Variants in AP4E1 observed in about 807,000 individuals in gnomAD.
AP4E1 encodes AP-4 complex subunit epsilon-1.
A neutral mutation model predicts 128.2 loss-of-function variants in AP4E1; 56 were observed. The observed-to-expected ratio is 0.44, with a 90% CI of 0.35 to 0.55. The LOEUF is 0.55. Among genes scored for constraint, AP4E1 ranks in the 20% least tolerant of loss-of-function variants. The probability of loss-of-function intolerance (pLI) is 0.00; values close to 1 mark genes in which losing one functional copy is unlikely to be tolerated. For missense variants in AP4E1, 1,324 were observed against 1,307.7 expected (o/e 1.01, Z -0.19); for synonymous variants, 484 against 473.1 (o/e 1.02, Z -0.30).
chr15:50,969,923 T>C (rs1324056230), intron 15 of AP4E1, among the ~76,000 whole-genome samples: 1 of 152,204 alleles, frequency 6.6e-6, no homozygotes, highest in African/African-American at 2.4e-5. Flanking sequence ...CCTCCCAAAG[T>C]GCTGGGACTA....
chr15:50,914,561 G>A (rs1219431374), intron 2 of AP4E1, among the ~76,000 whole-genome samples: 2 of 150,064 alleles, frequency 1.3e-5, no homozygotes, highest in African/African-American at 2.5e-5. Context: ...TGAAGCATGA[G>A]AATCGCTTGA....
intron 5 of AP4E1, among the ~76,000 whole-genome samples, chr15:50,927,667 T>C (rs994480576): frequency 1.3e-5 from 2 of 151,296 alleles, no homozygotes; most frequent in Non-Finnish European, 2.9e-5. Context: ...CTTTCTTTTC[T>C]TTTCTTTTTT....
At chr15:50,964,955 C>CACACA (rs148432063) in intron 14 of AP4E1, among the ~76,000 whole-genome samples, 2 of 131,370 alleles carry the variant, frequency 1.5e-5, no homozygotes, top group African/African-American at 6.0e-5. Flanking sequence ...CCTCCCCCTA[C>CACACA]CACACACACA....
chr15:50,912,024 G>A (rs1359001295), intron 1 of AP4E1, 54 bp from the exon 2 acceptor site: 21 of 1,332,030 alleles, frequency 1.6e-5, no homozygotes, highest in Admixed American at 3.4e-5. Context: ...GATAAATGCT[G>A]TTACAGTTTT....
At chr15:50,960,223 G>A (rs1347071653) in intron 14 of AP4E1, among the ~76,000 whole-genome samples, 3 of 152,050 alleles carry the variant, frequency 2.0e-5, no homozygotes, top group African/African-American at 7.2e-5. Flanking sequence ...CATCTAGACC[G>A]AAAATCAACA....
chr15:50,911,370 C>G (rs2063564296), intron 1 of AP4E1, among the ~76,000 whole-genome samples: 1 of 152,046 alleles, frequency 6.6e-6, no homozygotes, highest in South Asian at 2.1e-4. Flanking sequence ...TGCTTTCTTA[C>G]CCTGTTTCTT....
chr15:50,958,883 A>G lies in AP4E1; in HGVS notation c.1851+89A>G. 2.2e-6 allele frequency: 3 copies of G among 1,369,580 alleles called. No individual in the cohort carries two copies. The Admixed American group carries it at 5.0e-5, about 23-fold the overall frequency. 84.8% of individuals were successfully genotyped at this position (1,369,580 alleles called of 1,614,324 possible). A position where few individuals can be genotyped will look rare whatever the true frequency, so the allele number is the denominator to read the frequency against. On this transcript the variant is annotated intron_variant, in intron 14 of 20. Transcript: ENST00000261842. ...TTTGTGACATATCAGGAATATATCA[A>G]AATGTGGTTTCTGTAGCATTTAAGG...
chr15:50,958,408 C>A lies in AP4E1; in HGVS notation c.1549-84C>A, dbSNP rs982226248. On this transcript the variant is annotated intron_variant, in intron 13 of 20. Transcript: ENST00000261842. Reference sequence around the variant, plus strand: ...TTAATCTACTTTAAATTCACTCTAGCAGTAGGTACTTTGTTTAGATTTTAG... The same window carrying A: ...TTAATCTACTTTAAATTCACTCTAGAAGTAGGTACTTTGTTTAGATTTTAG... The A allele has an allele frequency of 1.5e-5, 17 of 1,118,804 alleles. No individual in the cohort carries two copies. The African/African-American group carries it at 2.4e-4, about 16-fold the overall frequency. The allele number at this position is 1,118,804 out of a possible 1,614,324, so 69.3% of individuals were successfully genotyped here.
At position 50,915,559 on chromosome 15, in the gene AP4E1, G is replaced by C. The variant is rs753391617; in HGVS notation, c.334G>C (p.Glu112Gln). ...IKLAQQGNLL[E>Q]KRVGYLAVSL... Reference sequence around the variant, plus strand: ...GTTAGCCCAACAAGGAAACCTCTTAGAAAAAAGAGTAGGTATGTATGTGTT... The same window carrying C: ...GTTAGCCCAACAAGGAAACCTCTTACAAAAAAGAGTAGGTATGTATGTGTT... The change falls in exon 3 of 21, where the codon GAA (glutamate) becomes CAA (glutamine). Residue 112 changes from glutamate to glutamine, a missense_variant. Transcript: ENST00000261842. 6.2e-7 allele frequency: 1 copy of C among 1,613,390 alleles called. No individual in the cohort carries two copies. The highest frequency in any genetic ancestry group is 8.5e-7 in the Non-Finnish European group (1 of 1,179,652).
At chr15:50,924,249 T>C (rs2063742596) in intron 4 of AP4E1, among the ~76,000 whole-genome samples, 1 of 152,178 alleles carries the variant, frequency 6.6e-6, no homozygotes, top group East Asian at 1.9e-4. Context: ...TATAATTTCA[T>C]TTTAAAACAC....
In AP4E1 at chr15:50,934,703, T is replaced by C. The variant is rs763558290; in HGVS notation, c.943+6T>C. Reference sequence around the variant, plus strand: ...AAATCACAATGTCACATATGGTAGGTAATATATGTAAATATTACTCTAATG... The same window carrying C: ...AAATCACAATGTCACATATGGTAGGCAATATATGTAAATATTACTCTAATG... On this transcript the variant is annotated splice_donor_region_variant and intron_variant, in intron 8 of 20. Transcript: ENST00000261842. 6.4e-7 allele frequency: 1 copy of C among 1,569,720 alleles called. No individual in the cohort carries two copies. Among genetic ancestry groups the C allele is most frequent in the South Asian group, 1.1e-5 (1 of 90,040 alleles).
rs1353069829 is a variant in AP4E1 at position 50,999,560 on chromosome 15, A to G, written c.3095+298A>G. On this transcript the variant is annotated intron_variant, in intron 19 of 20. Coordinates refer to ENST00000261842, the MANE Select transcript of AP4E1 (RefSeq NM_007347.5). ...TGACCTGGTAAAGCTTGTGAGAAAA[A>G]GTATTATTTAAACTAAATAACTCCG... 2.0e-5 allele frequency among the ~76,000 whole-genome samples: 3 copies of G among 152,188 alleles called. No individual in the cohort carries two copies. The East Asian group carries it at 5.8e-4, about 29-fold the overall frequency.
rs893494857 is a variant in AP4E1, at chr15:51,005,188, A to T, written c.*2526A>T. On this transcript the variant is annotated 3_prime_UTR_variant, in exon 21 of 21. Coordinates refer to ENST00000261842, the MANE Select transcript of AP4E1 (RefSeq NM_007347.5). ...GGCGTGAGCCACTGCGCCCGGCCAA[A>T]TTATTTTTGTGGGTAGATTCATTCT... is the stretch of plus-strand genomic sequence containing the variant. 1 of 152,264 alleles carries T rather than the reference A, an allele frequency of 6.6e-6. No homozygotes were observed. The highest frequency in any genetic ancestry group is 2.4e-5 in the African/African-American group (1 of 41,436). 9.4% of individuals were successfully genotyped at this position (152,264 alleles called of 1,614,324 possible).
chr15:50,981,866 AC>A (rs1457229741), intron 15 of AP4E1, among the ~76,000 whole-genome samples: 1 of 152,078 alleles, frequency 6.6e-6, no homozygotes. Context: ...CAGGTGGATC[AC>A]CTGAGGTTGA....
intron 7 of AP4E1, among the ~76,000 whole-genome samples, chr15:50,931,591 A>C (rs2063837177): frequency 6.6e-6 from 1 of 151,990 alleles, no homozygotes; most frequent in Non-Finnish European, 1.5e-5. Flanking sequence ...TAAATAAATA[A>C]ATAAATATTT....
intron 6 of AP4E1, 134 bp downstream of exon 6, chr15:50,929,302 T>C: frequency 9.6e-7 from 1 of 1,039,872 alleles, no homozygotes; most frequent in Non-Finnish European, 1.4e-6. Flanking sequence ...TTTGAATTAG[T>C]AGTTTTGCAA....
At chr15:50,967,380 G>A (rs2064407874) in intron 14 of AP4E1, among the ~76,000 whole-genome samples, 1 of 152,174 alleles carries the variant, frequency 6.6e-6, no homozygotes, top group Admixed American at 6.5e-5. Context: ...TGAAGCAAGA[G>A]GTTAGAGAGG....
chr15:50,941,642 T>C, intron 9 of AP4E1, 24 bp from the exon 10 acceptor site: 3 of 1,611,938 alleles, frequency 1.9e-6, no homozygotes, highest in Non-Finnish European at 1.7e-6. Flanking sequence ...CAATTCACTT[T>C]GTATAATGTG....
chr15:50,931,104 C>T, intron 7 of AP4E1, 133 bp downstream of exon 7: 1 of 1,136,356 alleles, frequency 8.8e-7, no homozygotes, highest in South Asian at 1.3e-5. Context: ...TAAAAGAAGC[C>T]ATTGTAAGAA....
Sources: allele counts gnomAD v4.1 joint callset (sites outside exome capture counted in the v4.1 genomes callset), GRCh38; gene constraint gnomAD v4.1.1; transcripts MANE v1.5; gene names NCBI Gene and HGNC (gene_info 2026-07-23, HGNC 2026-07-21).